Variants in HSD17B12 observed in about 807,000 individuals in gnomAD.
The protein encoded by HSD17B12 is hydroxysteroid 17-beta dehydrogenase 12.
In HSD17B12, 32 loss-of-function variants were observed where a neutral mutation model predicts 39.3. That is an observed-to-expected ratio of 0.81 (90% CI 0.61 to 1.09). The LOEUF is 1.09. Among genes scored for constraint, HSD17B12 ranks in the 50% least tolerant of loss-of-function variants. HSD17B12 has a pLI of 0.00. For missense variants in HSD17B12, 342 were observed against 382.9 expected (o/e 0.89, Z 0.89); for synonymous variants, 150 against 146.7 (o/e 1.02, Z -0.16).
chr11:43,597,592 G>A, the HSD17B12 span, among the ~76,000 whole-genome samples: 1 of 152,144 alleles, frequency 6.6e-6, no homozygotes, highest in Non-Finnish European at 1.5e-5. Flanking sequence ...GCTCTGACTA[G>A]TCATGGTCAT....
At chr11:43,611,185 T>C in the HSD17B12 span, among the ~76,000 whole-genome samples, 1 of 152,232 alleles carries the variant, frequency 6.6e-6, no homozygotes, top group Non-Finnish European at 1.5e-5. Context: ...GATCGCAGAA[T>C]GTAAATTATT....
chr11:43,802,099 C>T (rs924867436), intron 4 of HSD17B12, among the ~76,000 whole-genome samples: 13 of 152,074 alleles, frequency 8.5e-5, no homozygotes, highest in South Asian at 2.1e-4. Flanking sequence ...CATTCTCCTG[C>T]GTCAGCCTCC....
chr11:43,588,439 T>C, the HSD17B12 span, among the ~76,000 whole-genome samples: 1 of 152,160 alleles, frequency 6.6e-6, no homozygotes, highest in African/African-American at 2.4e-5. Context: ...GGCTAAAGTA[T>C]AGGAAAATCC....
chr11:43,716,948 T>C (rs1469630399), intron 1 of HSD17B12, among the ~76,000 whole-genome samples: 1 of 151,892 alleles, frequency 6.6e-6, no homozygotes, highest in East Asian at 1.9e-4. Context: ...AAATAGAAGG[T>C]ACCTGAATAT....
chr11:43,617,404 C>T, the HSD17B12 span, among the ~76,000 whole-genome samples: 18 of 151,666 alleles, frequency 1.2e-4, no homozygotes, highest in African/African-American at 4.4e-4. Flanking sequence ...AGGGTGGATA[C>T]GGATCCACAC....
At chr11:43,842,610 A>G (rs1488594413) in intron 9 of HSD17B12, among the ~76,000 whole-genome samples, 2 of 152,212 alleles carry the variant, frequency 1.3e-5, no homozygotes, top group African/African-American at 4.8e-5. Flanking sequence ...TTTAGTAACA[A>G]GGACACCAGT....
chr11:43,812,191 G>T (rs753961097), intron 4 of HSD17B12, among the ~76,000 whole-genome samples: 13 of 152,252 alleles, frequency 8.5e-5, no homozygotes, highest in African/African-American at 2.2e-4. Flanking sequence ...CGGGGGTGCA[G>T]GTATCTATTT....
At chr11:43,755,969 AAG>A (rs1192991369) in intron 3 of HSD17B12, among the ~76,000 whole-genome samples, 3 of 152,200 alleles carry the variant, frequency 2.0e-5, no homozygotes, top group African/African-American at 7.2e-5. Flanking sequence ...GGTGGCAGGC[AAG>A]AGAGAAAATG....
chr11:43,787,281 A>G (rs1485789449), intron 3 of HSD17B12, among the ~76,000 whole-genome samples: 2 of 152,182 alleles, frequency 1.3e-5, no homozygotes, highest in African/African-American at 4.8e-5. Context: ...GTTGCAGAAC[A>G]GATTGTGTAT....
At chr11:43,674,868 T>C in the HSD17B12 span, among the ~76,000 whole-genome samples, 1 of 152,234 alleles carries the variant, frequency 6.6e-6, no homozygotes. Flanking sequence ...TTCAAGGCTG[T>C]TTCTTTTCCC....
intron 6 of HSD17B12, among the ~76,000 whole-genome samples, chr11:43,820,476 C>T (rs1951171073): frequency 6.6e-6 from 1 of 152,146 alleles, no homozygotes; most frequent in Non-Finnish European, 1.5e-5. Context: ...GTTGCCAGGG[C>T]CAGGGCCACA....
At chr11:43,612,922 A>C in the HSD17B12 span, among the ~76,000 whole-genome samples, 3 of 152,150 alleles carry the variant, frequency 2.0e-5, no homozygotes, top group African/African-American at 7.2e-5. Context: ...GTGTCCAGTA[A>C]TCATCAAGAC....
chr11:43,603,608 A>G, the HSD17B12 span, among the ~76,000 whole-genome samples: 2 of 152,216 alleles, frequency 1.3e-5, no homozygotes, highest in African/African-American at 4.8e-5. Context: ...GTGATGGGTT[A>G]TAGAAATGAA....
At chr11:43,750,352 T>C (rs1235159851) in intron 1 of HSD17B12, among the ~76,000 whole-genome samples, 1 of 152,182 alleles carries the variant, frequency 6.6e-6, no homozygotes, top group African/African-American at 2.4e-5. Flanking sequence ...AGAGATTCAT[T>C]CATGTTTTGC....
intron 3 of HSD17B12, among the ~76,000 whole-genome samples, chr11:43,778,928 CTT>C (rs1322638036): frequency 2.6e-5 from 4 of 152,076 alleles, no homozygotes; most frequent in Non-Finnish European, 5.9e-5. Context: ...TTTATAATCT[CTT>C]AGGAATAAAA....
chr11:43,670,828 T>C, the HSD17B12 span, among the ~76,000 whole-genome samples: 1,478 of 152,232 alleles, frequency 9.7e-3, 26 homozygotes, highest in African/African-American at 0.033. Context: ...AAGGCTGCAG[T>C]GAGCTATGAT....
At chr11:43,797,490 G>A (rs1950925651) in intron 3 of HSD17B12, among the ~76,000 whole-genome samples, 1 of 152,194 alleles carries the variant, frequency 6.6e-6, no homozygotes, top group South Asian at 2.1e-4. Flanking sequence ...GGATGGTGAG[G>A]CTCAAAGAGG....
the HSD17B12 span, among the ~76,000 whole-genome samples, chr11:43,668,580 T>A: frequency 1.9e-3 from 283 of 152,322 alleles, 1 homozygote; most frequent in African/African-American, 6.0e-3. Context: ...GTAATTAATT[T>A]AAAAATTTAT....
chr11:43,730,612 T>C (rs1436918297), intron 1 of HSD17B12, among the ~76,000 whole-genome samples: 2 of 152,226 alleles, frequency 1.3e-5, no homozygotes, highest in Admixed American at 1.3e-4. Context: ...CTTCAAGATA[T>C]ATAAACTGTT....
Sources: allele counts gnomAD v4.1 joint callset (sites outside exome capture counted in the v4.1 genomes callset), GRCh38; gene constraint gnomAD v4.1.1; transcripts MANE v1.5; gene names NCBI Gene and HGNC (gene_info 2026-07-23, HGNC 2026-07-21).